TMEM117: variants seen among roughly 807,000 people sequenced by gnomAD.
The protein encoded by TMEM117 is transmembrane protein 117.
In TMEM117, 27 loss-of-function variants were observed where a neutral mutation model predicts 52.4. That is an observed-to-expected ratio of 0.51 (90% CI 0.38 to 0.71). The LOEUF is 0.71. Ranked by LOEUF, TMEM117 falls within the 30% of genes least tolerant of loss-of-function variation. The pLI is 0.00. For synonymous variants in TMEM117, 215 were observed against 206.3 expected (o/e 1.04, Z -0.36); for missense variants, 556 against 630.5 (o/e 0.88, Z 1.26).
At chr12:44,347,290 T>C (rs1248215997) in intron 6 of TMEM117, among the ~76,000 whole-genome samples, 1 of 152,052 alleles carries the variant, frequency 6.6e-6, no homozygotes, top group Non-Finnish European at 1.5e-5. Flanking sequence ...GGTACATAGA[T>C]GTAGAAATAA....
At chr12:43,801,317 A>G in the TMEM117 span, among the ~76,000 whole-genome samples, 2 of 152,214 alleles carry the variant, frequency 1.3e-5, no homozygotes, top group Admixed American at 1.3e-4. Context: ...GAAAGCTACT[A>G]AAGATAACTA....
At chr12:44,088,855 G>A (rs192603281) in intron 3 of TMEM117, among the ~76,000 whole-genome samples, 2 of 152,326 alleles carry the variant, frequency 1.3e-5, no homozygotes, top group Admixed American at 6.5e-5. Flanking sequence ...GTTGCCTCCA[G>A]CACTAGACTA....
intron 3 of TMEM117, among the ~76,000 whole-genome samples, chr12:44,012,124 T>C (rs193288122): frequency 9.1e-4 from 138 of 152,350 alleles, no homozygotes; most frequent in African/African-American, 3.1e-3. Flanking sequence ...AGTCTCTTTT[T>C]ATTGCGTGGT....
chr12:44,347,088 C>G (rs1321978637), intron 6 of TMEM117, among the ~76,000 whole-genome samples: 1 of 152,028 alleles, frequency 6.6e-6, no homozygotes, highest in Non-Finnish European at 1.5e-5. Flanking sequence ...CACACACACA[C>G]ACACGTAGAG....
intron 3 of TMEM117, among the ~76,000 whole-genome samples, chr12:44,140,071 T>C (rs1948549632): frequency 6.6e-6 from 1 of 152,146 alleles, no homozygotes; most frequent in Admixed American, 6.6e-5. Flanking sequence ...TTTTTAAGTA[T>C]ATTAGTTATT....
At chr12:44,228,837 A>G (rs540799495) in intron 5 of TMEM117, among the ~76,000 whole-genome samples, 21 of 152,328 alleles carry the variant, frequency 1.4e-4, no homozygotes, top group African/African-American at 5.0e-4. Context: ...GTAGTGGGCA[A>G]GATGTGGTGT....
chr12:44,063,768 TAAG>T (rs535136264), intron 3 of TMEM117, among the ~76,000 whole-genome samples: 103 of 152,084 alleles, frequency 6.8e-4, no homozygotes, highest in African/African-American at 2.4e-3. Flanking sequence ...CATTTCATAC[TAAG>T]AAGATGTTAT....
chr12:44,313,288 T>C (rs1451734996), intron 6 of TMEM117, among the ~76,000 whole-genome samples: 3 of 152,158 alleles, frequency 2.0e-5, no homozygotes, highest in Admixed American at 6.5e-5. Flanking sequence ...TTTTTCTATA[T>C]GGTGAAAAGT....
intron 3 of TMEM117, among the ~76,000 whole-genome samples, chr12:44,019,886 A>T (rs1034076785): frequency 6.6e-6 from 1 of 152,170 alleles, no homozygotes; most frequent in Non-Finnish European, 1.5e-5. Flanking sequence ...TCCACATATG[A>T]CAATCCCCAA....
chr12:43,840,655 T>A (rs1354413668), intron 1 of TMEM117, among the ~76,000 whole-genome samples: 1 of 152,242 alleles, frequency 6.6e-6, no homozygotes, highest in African/African-American at 2.4e-5. Flanking sequence ...CCCAGTATTG[T>A]GCTGTGCCCT....
chr12:44,089,488 T>C (rs1947627211), intron 3 of TMEM117, among the ~76,000 whole-genome samples: 1 of 152,122 alleles, frequency 6.6e-6, no homozygotes, highest in Non-Finnish European at 1.5e-5. Flanking sequence ...CAAAACCACC[T>C]TTTCCACTTG....
intron 3 of TMEM117, among the ~76,000 whole-genome samples, chr12:44,107,157 A>C (rs1947970071): frequency 1.3e-5 from 2 of 152,072 alleles, no homozygotes; most frequent in Admixed American, 6.6e-5. Context: ...AAATAACCTT[A>C]TATATAAACT....
At chr12:44,398,527 T>C in the TMEM117 span, among the ~76,000 whole-genome samples, 1 of 152,130 alleles carries the variant, frequency 6.6e-6, no homozygotes, top group Admixed American at 6.5e-5. Flanking sequence ...GAAAATGGAC[T>C]GCAGACAAGA....
intron 4 of TMEM117, among the ~76,000 whole-genome samples, chr12:44,204,032 T>C (rs1342767614): frequency 2.6e-5 from 4 of 152,106 alleles, no homozygotes; most frequent in Non-Finnish European, 4.4e-5. Flanking sequence ...CCCACTCTCA[T>C]GACTACTATT....
At chr12:44,366,234 A>G (rs547678039) in intron 6 of TMEM117, among the ~76,000 whole-genome samples, 1 of 152,008 alleles carries the variant, frequency 6.6e-6, no homozygotes. Context: ...TAGCCACCTC[A>G]GGCTTTGAAT....
At chr12:44,183,649 T>C (rs1014486540) in intron 4 of TMEM117, among the ~76,000 whole-genome samples, 8 of 152,100 alleles carry the variant, frequency 5.3e-5, no homozygotes, top group African/African-American at 1.9e-4. Context: ...AAGTGGGTTT[T>C]AAAAATAGGA....
At chr12:44,372,916 G>C (rs1951884240) in intron 6 of TMEM117, among the ~76,000 whole-genome samples, 1 of 152,026 alleles carries the variant, frequency 6.6e-6, no homozygotes, top group Non-Finnish European at 1.5e-5. Context: ...GCTTGATTGT[G>C]GTTATCATTT....
At chr12:43,840,127 G>T (rs1943094483) in intron 1 of TMEM117, among the ~76,000 whole-genome samples, 2 of 152,108 alleles carry the variant, frequency 1.3e-5, no homozygotes, top group African/African-American at 4.8e-5. Flanking sequence ...CTAACGTAAA[G>T]GGTAAGATTT....
Position 43,887,641 on chromosome 12 carries a change from T to A in TMEM117, c.277+42713T>A, listed in dbSNP as rs191352076. On this transcript the variant is annotated intron_variant, in intron 2 of 7. Coordinates refer to ENST00000266534, the MANE Select transcript of TMEM117 (RefSeq NM_032256.3). ...CCGCCAGCACCCTGACTCCAACAGC[T>A]CTGATGCATCTCACTGCCAAGGCCT... Among the ~76,000 whole-genome samples the A allele has an allele frequency of 2.4e-3, 369 of 152,220 alleles. 3 individuals carry two copies. Among genetic ancestry groups the A allele is most frequent in the Admixed American group, 9.6e-3 (147 of 15,282 alleles).
Sources: gnomAD v4.1 joint callset for allele counts (sites outside exome capture counted in the v4.1 genomes callset) on GRCh38, gnomAD v4.1.1 for gene constraint, MANE v1.5 for transcripts, NCBI Gene and HGNC (gene_info 2026-07-23, HGNC 2026-07-21) for gene names.